The following DCC variants were observed in gnomAD, a reference collection of about 807,000 sequenced individuals.
DCC encodes DCC netrin 1 receptor, also known as netrin receptor DCC.
Under a neutral mutation model 172.5 loss-of-function variants are expected in DCC, and 58 were observed. The ratio of observed to expected loss-of-function variants is 0.34; its 90% confidence interval spans 0.27 to 0.42. The LOEUF (loss-of-function observed/expected upper bound fraction) is 0.42, where lower values mean the gene tolerates loss of function less well. DCC is among the 10% of genes least tolerant of loss of function. The probability of loss-of-function intolerance (pLI) is 1.00; values close to 1 mark genes in which losing one functional copy is unlikely to be tolerated. For synonymous variants in DCC, 709 were observed against 644.5 expected, an observed-to-expected ratio of 1.10 and a Z score of -1.52; for missense variants, 1,740 against 1,791.0, an observed-to-expected ratio of 0.97 and a Z score of 0.51.
chr18:53,316,514 C>A (rs1421084866), intron 13 of DCC, among the ~76,000 whole-genome samples: 1 of 150,950 alleles, frequency 6.6e-6, no homozygotes, highest in East Asian at 2.0e-4. Context: ...GGTAGCTTAA[C>A]AGGAATAGCA....
intron 27 of DCC, among the ~76,000 whole-genome samples, chr18:53,507,681 G>A (rs1293756580): frequency 6.6e-6 from 1 of 152,124 alleles, no homozygotes; most frequent in Non-Finnish European, 1.5e-5. Context: ...CCCTATTCAT[G>A]AAACCGTATG....
chr18:53,496,006 G>T (rs560171034), intron 26 of DCC, among the ~76,000 whole-genome samples: 1 of 152,258 alleles, frequency 6.6e-6, no homozygotes, highest in African/African-American at 2.4e-5. Flanking sequence ...AGCACCTGGG[G>T]GAAGGGGCAG....
chr18:53,358,530 C>CTCTTTTTT (rs74180418), intron 15 of DCC, among the ~76,000 whole-genome samples: 1 of 95,920 alleles, frequency 1.0e-5, no homozygotes. Context: ...TTCTCTCTCT[C>CTCTTTTTT]TTTTTTTTTT....
rs116137930 is a variant in DCC, at chr18:52,373,587, G to A, written c.91+32709G>A. 8.3e-3 allele frequency among the ~76,000 whole-genome samples: 1,260 copies of A among 152,092 alleles called. 25 individuals carry two copies. The highest frequency in any genetic ancestry group is 0.029 in the African/African-American group (1,202 of 41,458). The stretch of plus-strand genomic sequence containing the variant: ...GCTCTCCCTGTACATTGTGGGGGTG[G>A]GTGGGCATTCTCTTTTGACCTTTGG... On this transcript the variant is annotated intron_variant, in intron 1 of 28. Transcript: ENST00000442544.
At chr18:53,221,295 AACTT>A (rs1275404403) in intron 12 of DCC, among the ~76,000 whole-genome samples, 1 of 152,004 alleles carries the variant, frequency 6.6e-6, no homozygotes, top group Non-Finnish European at 1.5e-5. Context: ...CCCAAACTAA[AACTT>A]AGTATCTATT....
chr18:53,312,475 A>G (rs2057286435), intron 13 of DCC, among the ~76,000 whole-genome samples: 1 of 151,674 alleles, frequency 6.6e-6, no homozygotes, highest in African/African-American at 2.4e-5. Flanking sequence ...AAATATTCCT[A>G]TTATCCCAGT....
chr18:52,400,318 G>C (rs191997393), intron 1 of DCC, among the ~76,000 whole-genome samples: 164 of 152,042 alleles, frequency 1.1e-3, no homozygotes, highest in Non-Finnish European at 1.8e-3. Flanking sequence ...GATTTCTCTA[G>C]TACCTTCAAA....
At chr18:52,860,188 G>T (rs1375837715) in intron 2 of DCC, among the ~76,000 whole-genome samples, 1 of 152,244 alleles carries the variant, frequency 6.6e-6, no homozygotes, top group Non-Finnish European at 1.5e-5. Context: ...TGCATCTTCA[G>T]ATGGCAGTGG....
chr18:53,010,941 A>C (rs898991163), intron 5 of DCC, among the ~76,000 whole-genome samples: 1 of 151,304 alleles, frequency 6.6e-6, no homozygotes, highest in Non-Finnish European at 1.5e-5. Context: ...GGGTATAAGA[A>C]CATAAAGTGG....
chr18:52,846,458 T>C lies in DCC; in HGVS notation c.413-59586T>C, dbSNP rs183898727. On this transcript the variant is annotated intron_variant, in intron 2 of 28. Coordinates refer to ENST00000442544, the MANE Select transcript of DCC (RefSeq NM_005215.4). The stretch of plus-strand genomic sequence containing the variant: ...GGGAGTCTGAGGTAGGAGGATTGCT[T>C]GAGCCAGAAGGCTGAGGCTGCAGTG... Among the ~76,000 whole-genome samples, 319 of 152,156 alleles carry C rather than the reference T, an allele frequency of 2.1e-3. 1 individual carries two copies. In the South Asian group the frequency reaches 0.021, roughly 10 times the overall value.
intron 7 of DCC, among the ~76,000 whole-genome samples, chr18:53,090,642 C>A (rs1250564858): frequency 3.9e-5 from 5 of 128,942 alleles, no homozygotes; most frequent in African/African-American, 1.5e-4. Flanking sequence ...TGCAGTGAGC[C>A]GAGATCACAC....
At chr18:53,113,079 T>C (rs899346598) in intron 7 of DCC, among the ~76,000 whole-genome samples, 1 of 151,350 alleles carries the variant, frequency 6.6e-6, no homozygotes, top group African/African-American at 2.4e-5. Flanking sequence ...GCTCCAGTGA[T>C]TCAAAAAATC....
At chr18:52,671,188 C>T (rs571349954) in intron 1 of DCC, among the ~76,000 whole-genome samples, 1 of 152,292 alleles carries the variant, frequency 6.6e-6, no homozygotes, top group Admixed American at 6.5e-5. Flanking sequence ...ATGAGTTCTT[C>T]ATAATCCAAG....
intron 12 of DCC, among the ~76,000 whole-genome samples, chr18:53,286,553 A>G (rs545932681): frequency 6.6e-6 from 1 of 152,286 alleles, no homozygotes; most frequent in Admixed American, 6.5e-5. Context: ...ATGAAAACAG[A>G]CTAATACACA....
intron 1 of DCC, among the ~76,000 whole-genome samples, chr18:52,635,399 T>A (rs369348084): frequency 5.3e-5 from 8 of 152,128 alleles, no homozygotes; most frequent in Non-Finnish European, 7.4e-5. Flanking sequence ...TTTAGAAATA[T>A]AAACCCAAAG....
chr18:53,093,603 A>G (rs1457367724), intron 7 of DCC, among the ~76,000 whole-genome samples: 1 of 152,184 alleles, frequency 6.6e-6, no homozygotes, highest in East Asian at 1.9e-4. Context: ...TAACTCTAGG[A>G]TTTAGATTCT....
At chr18:53,314,153 T>A (rs146293476) in intron 13 of DCC, among the ~76,000 whole-genome samples, 121 of 152,294 alleles carry the variant, frequency 7.9e-4, no homozygotes, top group African/African-American at 2.8e-3. Flanking sequence ...CATCTAAAAT[T>A]TTCCCAAACA....
intron 25 of DCC, among the ~76,000 whole-genome samples, chr18:53,477,179 T>A (rs142891173): frequency 1.9e-3 from 290 of 152,210 alleles, no homozygotes; most frequent in African/African-American, 6.0e-3. Context: ...CAGCTAGTTT[T>A]TGTATTTTTT....
At chr18:53,380,207 C>T (rs1907609770) in intron 15 of DCC, among the ~76,000 whole-genome samples, 1 of 152,114 alleles carries the variant, frequency 6.6e-6, no homozygotes, top group Non-Finnish European at 1.5e-5. Context: ...TTGTGATTTA[C>T]TGGTTTTAAA....
Sources: gnomAD v4.1 joint callset for allele counts (sites outside exome capture counted in the v4.1 genomes callset) on GRCh38, gnomAD v4.1.1 for gene constraint, MANE v1.5 for transcripts, NCBI Gene and HGNC (gene_info 2026-07-23, HGNC 2026-07-21) for gene names.